Variants in TLK1 observed in about 807,000 individuals in gnomAD.
TLK1 encodes serine/threonine-protein kinase tousled-like 1.
Under a neutral mutation model 105.3 loss-of-function variants are expected in TLK1, and 24 were observed. The ratio of observed to expected loss-of-function variants is 0.23; its 90% CI spans 0.17 to 0.32. TLK1 has a LOEUF of 0.32. Ranked by LOEUF, TLK1 falls within the 10% of genes least tolerant of loss-of-function variation. TLK1 has a pLI of 1.00. For synonymous variants in TLK1, 321 were observed against 310.4 expected, an observed-to-expected ratio of 1.03 and a Z score of -0.36; for missense variants, 558 against 910.5, an observed-to-expected ratio of 0.61 and a Z score of 4.98.
At chr2:171,111,886 A>G (rs1690188308) in intron 2 of TLK1, among the ~76,000 whole-genome samples, 1 of 152,224 alleles carries the variant, frequency 6.6e-6, no homozygotes, top group African/African-American at 2.4e-5. Context: ...CATTTCTCTT[A>G]AAGCATATAT....
At chr2:171,137,362 G>GT (rs1315392750) in intron 1 of TLK1, among the ~76,000 whole-genome samples, 3 of 151,862 alleles carry the variant, frequency 2.0e-5, no homozygotes, top group African/African-American at 7.2e-5. Context: ...ATAAAACGAA[G>GT]TAAATTCAAA....
chr2:171,082,988 A>G, intron 2 of TLK1, 136 bp from the exon 3 acceptor site: 1 of 620,264 alleles, frequency 1.6e-6, no homozygotes, highest in Non-Finnish European at 2.8e-6. Flanking sequence ...AAAACAAGGA[A>G]GCCAAATGAG....
At chr2:170,998,126 G>A (rs1028843596) in intron 18 of TLK1, among the ~76,000 whole-genome samples, 3 of 150,958 alleles carry the variant, frequency 2.0e-5, no homozygotes, top group African/African-American at 7.3e-5. Flanking sequence ...CCTACCTACC[G>A]AAACAAAAAC....
intron 11 of TLK1, among the ~76,000 whole-genome samples, chr2:171,037,239 C>G (rs1686396986): frequency 6.6e-6 from 1 of 151,838 alleles, no homozygotes; most frequent in South Asian, 2.1e-4. Context: ...GTCGGGAGTT[C>G]AAGACCAGCC....
intron 1 of TLK1, chr2:171,153,961 T>C (rs1692138686): frequency 6.6e-6 from 1 of 152,276 alleles, no homozygotes; most frequent in Non-Finnish European, 1.5e-5. Context: ...GGCATGATCA[T>C]AGCTCACTGC....
chr2:171,220,283 A>G (rs1041243555), intron 1 of TLK1, among the ~76,000 whole-genome samples: 1 of 152,138 alleles, frequency 6.6e-6, no homozygotes, highest in Non-Finnish European at 1.5e-5. Flanking sequence ...CATCAATATG[A>G]AGGGAGCAGC....
chr2:171,089,965 C>G (rs920864364), intron 2 of TLK1, among the ~76,000 whole-genome samples: 2 of 152,116 alleles, frequency 1.3e-5, no homozygotes, highest in African/African-American at 4.8e-5. Context: ...ATTTTGGAAT[C>G]AGCTTGTTAC....
chr2:171,005,657 T>G (rs561944334), intron 18 of TLK1, among the ~76,000 whole-genome samples: 10 of 152,240 alleles, frequency 6.6e-5, no homozygotes, highest in African/African-American at 2.4e-4. Context: ...CGCTTGAGCC[T>G]AGGAGTTTGA....
At chr2:171,180,984 AG>A in intron 1 of TLK1, among the ~76,000 whole-genome samples, 1 of 152,360 alleles carries the variant, frequency 6.6e-6, no homozygotes, top group Middle Eastern at 3.4e-3. Flanking sequence ...GAGGAGTTAA[AG>A]TTAGAACAGA....
chr2:171,228,772 G>A lies in TLK1; in HGVS notation c.-6+2373C>T, dbSNP rs986428938. Among the ~76,000 whole-genome samples, 3 of 152,110 alleles carry A rather than the reference G, an allele frequency of 2.0e-5. No individual in the cohort carries two copies. In the East Asian group the frequency reaches 5.8e-4, roughly 29 times the overall value. Reference sequence around the variant, plus strand: ...TAGCCTATGTTATTAGATAATGGTTGTTTGAATCTGTGAAGGTAGCATTTT... The same window carrying A: ...TAGCCTATGTTATTAGATAATGGTTATTTGAATCTGTGAAGGTAGCATTTT... On this transcript the variant is annotated intron_variant, in intron 1 of 20. Coordinates refer to the TLK1 transcript ENST00000521943.
chr2:171,093,317 A>AG (rs906356272), intron 2 of TLK1, among the ~76,000 whole-genome samples: 4 of 152,326 alleles, frequency 2.6e-5, no homozygotes, highest in Admixed American at 2.6e-4. Flanking sequence ...GGTGTTGAAG[A>AG]GGGACACAGG....
chr2:171,100,174 A>G (rs1422985341), intron 2 of TLK1, among the ~76,000 whole-genome samples: 1 of 152,218 alleles, frequency 6.6e-6, no homozygotes, highest in African/African-American at 2.4e-5. Flanking sequence ...TCATTAGGGA[A>G]ATACATACCA....
At chr2:171,082,169 T>A (rs919792772) in intron 3 of TLK1, among the ~76,000 whole-genome samples, 26 of 151,958 alleles carry the variant, frequency 1.7e-4, no homozygotes, top group Admixed American at 5.2e-4. Context: ...CTACCCATTT[T>A]TAAAAGATGT....
At chr2:171,074,235 T>G (rs957782558) in intron 3 of TLK1, among the ~76,000 whole-genome samples, 1 of 152,204 alleles carries the variant, frequency 6.6e-6, no homozygotes, top group Non-Finnish European at 1.5e-5. Flanking sequence ...ATTTTCCATG[T>G]GTACAAAGAG....
At chr2:171,085,310 A>C (rs1391610376) in intron 2 of TLK1, among the ~76,000 whole-genome samples, 3 of 152,048 alleles carry the variant, frequency 2.0e-5, no homozygotes, top group Non-Finnish European at 4.4e-5. Flanking sequence ...GAATCACTTG[A>C]ATCTGGGAGG....
chr2:171,080,574 T>C (rs929346279), intron 3 of TLK1, among the ~76,000 whole-genome samples: 3 of 149,610 alleles, frequency 2.0e-5, no homozygotes, highest in African/African-American at 7.3e-5. Context: ...ATAATAATAA[T>C]GGTAATAGTA....
intron 12 of TLK1, among the ~76,000 whole-genome samples, chr2:171,019,051 C>A (rs1221087370): frequency 2.6e-5 from 4 of 151,924 alleles, no homozygotes; most frequent in Non-Finnish European, 5.9e-5. Flanking sequence ...AGGTATACAA[C>A]AGATCTCAAC....
At chr2:171,031,719 T>C (rs914758566) in intron 11 of TLK1, among the ~76,000 whole-genome samples, 1 of 152,198 alleles carries the variant, frequency 6.6e-6, no homozygotes, top group Non-Finnish European at 1.5e-5. Flanking sequence ...TCTGAGTAAA[T>C]GAAAATTTTA....
At chr2:171,151,491 T>C (rs1030183805) in intron 1 of TLK1, among the ~76,000 whole-genome samples, 1 of 138,586 alleles carries the variant, frequency 7.2e-6, no homozygotes, top group African/African-American at 3.0e-5. Context: ...TTTTTTTTTT[T>C]TGAGACGGAG....
Sources: allele counts gnomAD v4.1 joint callset (sites outside exome capture counted in the v4.1 genomes callset), GRCh38; gene constraint gnomAD v4.1.1; transcripts MANE v1.5; gene names NCBI Gene and HGNC (gene_info 2026-07-23, HGNC 2026-07-21).